CHRNA1: variants seen among roughly 807,000 people sequenced by gnomAD.
CHRNA1 encodes the protein cholinergic receptor nicotinic alpha 1 subunit, also known as acetylcholine receptor subunit alpha.
A neutral mutation model predicts 47.1 loss-of-function variants in CHRNA1; 35 were observed. The observed-to-expected ratio is 0.74, with a 90% CI of 0.57 to 0.99. CHRNA1 has a LOEUF of 0.99. Among genes scored for constraint, CHRNA1 ranks in the 50% least tolerant of loss-of-function variants. The probability of loss-of-function intolerance (pLI) is 0.00; values close to 1 mark genes in which losing one functional copy is unlikely to be tolerated. For missense variants in CHRNA1, 506 were observed against 591.1 expected (o/e 0.86, Z 1.49); for synonymous variants, 229 against 223.6 (o/e 1.02, Z -0.22).
chr2:174,761,089 T>A (rs1401279244), intron 1 of CHRNA1, among the ~76,000 whole-genome samples: 1 of 152,204 alleles, frequency 6.6e-6, no homozygotes, highest in African/African-American at 2.4e-5. Flanking sequence ...GCTTCTGGGC[T>A]AATTCTTGGT....
chr2:174,759,378 G>A lies in CHRNA1; in HGVS notation c.190-3C>T. 6.3e-7 allele frequency: 1 copy of A among 1,588,878 alleles called. No individual in the cohort carries two copies. Among genetic ancestry groups the A allele is most frequent in the Non-Finnish European group, 8.6e-7 (1 of 1,164,324 alleles). ...GTCACGATCTGATTTACTTCATCCT[G>A]GAAAAAAAAATAAGGATCATTTTTA... On this transcript the variant is annotated splice_polypyrimidine_tract_variant and splice_region_variant and intron_variant, in intron 2 of 8. Coordinates refer to ENST00000348749, the MANE Select transcript of CHRNA1 (RefSeq NM_000079.4).
chr2:174,750,211 C>T (rs566356797), intron 6 of CHRNA1, 42 bp from the exon 7 acceptor site: 5 of 1,517,926 alleles, frequency 3.3e-6, no homozygotes, highest in Non-Finnish European at 4.5e-6. Flanking sequence ...CACAACTACC[C>T]ATCTGGGTTG....
In CHRNA1 at chr2:174,748,591, C is replaced by T. The variant is rs781158981; in HGVS notation, c.1231G>A (p.Glu411Lys). The change falls in exon 8 of 9, where the codon GAG becomes AAG. Residue 411 changes from glutamate (E) to lysine (K), a missense_variant. Transcript: ENST00000348749. Reference sequence around the variant, plus strand: ...GCCACGAAGCTTACATTGTTAGACTCCTGGTCTGACTTCATGGTCTCTGCG... The same window carrying T: ...GCCACGAAGCTTACATTGTTAGACTTCTGGTCTGACTTCATGGTCTCTGCG... ...YIAETMKSDQ[E>K]SNNAAAEWKY... is the part of the protein sequence containing the mutation. The T allele has an allele frequency of 4.3e-6, 7 of 1,612,358 alleles. No homozygotes were observed. The highest frequency in any genetic ancestry group is 4.5e-5 in the East Asian group (2 of 44,842).
intron 1 of CHRNA1, among the ~76,000 whole-genome samples, chr2:174,763,877 C>T (rs1193131689): frequency 1.3e-5 from 2 of 151,962 alleles, no homozygotes; most frequent in African/African-American, 4.8e-5. Context: ...TTTCTATCTC[C>T]AGCACATGTA....
In CHRNA1 at chr2:174,750,170, C is replaced by A. The variant is rs777443072; in HGVS notation, c.779-1G>T. 9 of 1,557,774 alleles carry A rather than the reference C, an allele frequency of 5.8e-6. No individual in the cohort carries two copies. In the East Asian group the frequency reaches 2.1e-4, roughly 36 times the overall value. On this transcript the variant is annotated splice_acceptor_variant, in intron 6 of 8. Coordinates refer to ENST00000348749, the MANE Select transcript of CHRNA1 (RefSeq NM_000079.4). LOFTEE classifies it high-confidence loss of function. ...GAGATGCTCAGAGTCATCTTCTCCC[C>A]TGAAAAGACCAAAAAAAAAAAAAAA...
chr2:174,757,538 C>G, intron 4 of CHRNA1, 28 bp downstream of exon 4: 2 of 1,564,750 alleles, frequency 1.3e-6, no homozygotes, highest in Non-Finnish European at 1.8e-6. Flanking sequence ...CCCAGGAGCA[C>G]CCTCCGCCAC....
chr2:174,757,757 G>A, intron 3 of CHRNA1, 82 bp from the exon 4 acceptor site: 1 of 1,251,786 alleles, frequency 8.0e-7, no homozygotes, highest in Non-Finnish European at 1.2e-6. Context: ...TGATGTGCAT[G>A]GGAATTCAGT....
chr2:174,755,685 T>C (rs1247557696), intron 4 of CHRNA1, among the ~76,000 whole-genome samples: 1 of 152,198 alleles, frequency 6.6e-6, no homozygotes, highest in East Asian at 1.9e-4. Context: ...CCCAAAGTGC[T>C]GGGATTACAG....
chr2:174,756,289 A>C (rs1462090746), intron 4 of CHRNA1, among the ~76,000 whole-genome samples: 2 of 152,200 alleles, frequency 1.3e-5, no homozygotes, highest in Non-Finnish European at 2.9e-5. Context: ...GTGTTAGAAT[A>C]AGTGTTGAAT....
chr2:174,750,647 C>G (rs1388582887), intron 6 of CHRNA1, among the ~76,000 whole-genome samples: 1 of 152,174 alleles, frequency 6.6e-6, no homozygotes, highest in African/African-American at 2.4e-5. Flanking sequence ...GTTCTCAAAG[C>G]ATTATTCTGG....
At chr2:174,757,997 G>T (rs1376386711) in intron 3 of CHRNA1, 2 of 1,613,754 alleles carry the variant, frequency 1.2e-6, no homozygotes, top group Non-Finnish European at 1.7e-6. Flanking sequence ...CGCAGCTGGG[G>T]CGTGGCAGAT....
chr2:174,753,611 G>C lies in CHRNA1; in HGVS notation c.670C>G (p.His224Asp), dbSNP rs746851892. The C allele has an allele frequency of 1.2e-6, 2 of 1,614,104 alleles. No individual in the cohort carries two copies. Among genetic ancestry groups the C allele is most frequent in the East Asian group, 4.5e-5 (2 of 44,876 alleles). The stretch of plus-strand genomic sequence containing the variant: ...AGGGGCAGGCGCTGCATGACGAAGT[G>C]GTAGGTGATGTCCAGGTAGGGGGTG... ...PDTPYLDITY[H>D]FVMQRLPLYF... The change falls in exon 6 of 9, where the codon CAC becomes GAC. Residue 224 changes from histidine to aspartate, a missense_variant. By Grantham distance (81) the His-to-Asp change is moderately conservative (BLOSUM62 -1). Transcript: ENST00000348749.
At chr2:174,753,225 G>A in intron 6 of CHRNA1, 1 of 615,986 alleles carries the variant, frequency 1.6e-6, no homozygotes, top group South Asian at 1.8e-5. Context: ...CAGCAAATAG[G>A]TATTGGTGGT....
intron 1 of CHRNA1, among the ~76,000 whole-genome samples, chr2:174,763,052 A>T (rs962853936): frequency 7.4e-6 from 1 of 135,532 alleles, no homozygotes; most frequent in African/African-American, 2.7e-5. Context: ...GACCTTGGGC[A>T]GGTCAGCTTT....
chr2:174,761,671 G>A (rs765527543), intron 1 of CHRNA1, among the ~76,000 whole-genome samples: 1 of 152,140 alleles, frequency 6.6e-6, no homozygotes, highest in Non-Finnish European at 1.5e-5. Flanking sequence ...GCCCAACCAC[G>A]CAGAGATTTC....
intron 4 of CHRNA1, among the ~76,000 whole-genome samples, chr2:174,754,617 A>C (rs1221866465): frequency 6.6e-6 from 1 of 152,198 alleles, no homozygotes; most frequent in East Asian, 1.9e-4. Context: ...AAAAATACAG[A>C]GTTCTGCACA....
At chr2:174,757,909 C>G in intron 3 of CHRNA1, 2 of 1,238,162 alleles carry the variant, frequency 1.6e-6, no homozygotes, top group Non-Finnish European at 2.4e-6. Context: ...TCATTTAGTC[C>G]TCACAACAAT....
At chr2:174,754,518 A>G in intron 4 of CHRNA1, 104 bp from the exon 5 acceptor site, 1 of 964,070 alleles carries the variant, frequency 1.0e-6, no homozygotes, top group South Asian at 1.4e-5. Flanking sequence ...TCAGGTGCTA[A>G]TTATAGAAGC....
chr2:174,757,927 G>T, intron 3 of CHRNA1: 3 of 1,368,642 alleles, frequency 2.2e-6, no homozygotes, highest in Non-Finnish European at 3.1e-6. Context: ...AATCCCGTGA[G>T]GGGAGGGTGA....
Sources: allele counts gnomAD v4.1 joint callset (sites outside exome capture counted in the v4.1 genomes callset), GRCh38; gene constraint gnomAD v4.1.1; transcripts MANE v1.5; gene names NCBI Gene and HGNC (gene_info 2026-07-23, HGNC 2026-07-21).